Variants in YIPF6 observed in about 807,000 individuals in gnomAD.
The protein encoded by YIPF6 is protein YIPF6.
YIPF6 carries 3 observed loss-of-function variants against 16.8 expected under a neutral mutation model. That is an observed-to-expected ratio of 0.18 (90% confidence interval 0.08 to 0.46). YIPF6 has a LOEUF of 0.46. Among genes scored for constraint, YIPF6 ranks in the 20% least tolerant of loss-of-function variants. YIPF6 has a pLI of 0.98. For missense variants in YIPF6, 145 were observed against 184.9 expected, an observed-to-expected ratio of 0.78 and a Z score of 1.25; for synonymous variants, 67 against 61.9, an observed-to-expected ratio of 1.08 and a Z score of -0.38.
At chrX:68,512,338 GA>G (rs1255157694) in intron 2 of YIPF6, among the ~76,000 whole-genome samples, 2 of 109,922 alleles carry the variant, frequency 1.8e-5, no homozygotes, top group Non-Finnish European at 3.8e-5. Context: ...GCATATGCCT[GA>G]AATCCCAGCT....
intron 5 of YIPF6, 142 bp downstream of exon 5, chrX:68,521,639 T>A: frequency 1.7e-6 from 1 of 605,232 alleles, no homozygotes; most frequent in Non-Finnish European, 2.4e-6. Context: ...ATTGGTGTGA[T>A]CATGGCTTAC....
intron 1 of YIPF6, among the ~76,000 whole-genome samples, chrX:68,507,289 T>A (rs1043689861): frequency 4.1e-4 from 46 of 112,192 alleles, no homozygotes; most frequent in Non-Finnish European, 4.5e-4. Context: ...CATATTTACT[T>A]TCATTTTAAC....
At chrX:68,520,713 C>A (rs1476366300) in intron 4 of YIPF6, among the ~76,000 whole-genome samples, 1 of 111,839 alleles carries the variant, frequency 8.9e-6, no homozygotes, top group Non-Finnish European at 1.9e-5. Context: ...CTCAAGCGAT[C>A]TGCCTGTCGT....
chrX:68,527,933 A>C (rs1404314242), intron 6 of YIPF6, among the ~76,000 whole-genome samples: 10 of 111,644 alleles, frequency 9.0e-5, no homozygotes, highest in Non-Finnish European at 1.1e-4. Flanking sequence ...CAATTTTAGA[A>C]TAAGTGTGAT....
rs1432342296 is a variant in YIPF6 at position 68,535,863 on chromosome X, T to C, written c.*3864T>C. ...GCAGTGGAGCAGTCATGGCACACTG[T>C]AGCCTCGACCTCCCTGGGCTCAAGC... On this transcript the variant is annotated 3_prime_UTR_variant, in exon 7 of 7. Coordinates refer to ENST00000462683, the MANE Select transcript of YIPF6 (RefSeq NM_173834.4). 9.0e-6 allele frequency: 1 copy of C among 111,617 alleles called. No homozygotes were observed. The highest frequency in any genetic ancestry group is 2.8e-4 in the East Asian group (1 of 3,550). 9.2% of individuals were successfully genotyped at this position (111,617 alleles called of 1,213,427 possible).
Position 68,533,080 on chromosome X carries a change from T to C in YIPF6, c.*1081T>C, listed in dbSNP as rs933085829. The C allele has an allele frequency of 1.8e-5, 2 of 112,373 alleles. No individual in the cohort carries two copies. Among genetic ancestry groups the C allele is most frequent in the African/African-American group, 6.5e-5 (2 of 30,987 alleles). 9.3% of individuals were successfully genotyped at this position (112,373 alleles called of 1,213,427 possible). On this transcript the variant is annotated 3_prime_UTR_variant, in exon 7 of 7. Coordinates refer to ENST00000462683, the MANE Select transcript of YIPF6 (RefSeq NM_173834.4). Reference sequence around the variant, plus strand: ...AGCATGACGTGGGATGGGATGAGTTTACAGCTGCTGCCTTTTCATGGTGAG... The same window carrying C: ...AGCATGACGTGGGATGGGATGAGTTCACAGCTGCTGCCTTTTCATGGTGAG...
chrX:68,524,675 C>T (rs918693685), intron 6 of YIPF6, among the ~76,000 whole-genome samples: 5 of 109,011 alleles, frequency 4.6e-5, no homozygotes, highest in African/African-American at 1.3e-4. Context: ...TCCCCTAGCC[C>T]CCCCAGCCTC....
chrX:68,527,891 G>T (rs1256096265), intron 6 of YIPF6, among the ~76,000 whole-genome samples: 1 of 111,482 alleles, frequency 9.0e-6, no homozygotes, highest in Non-Finnish European at 1.9e-5. Flanking sequence ...TTTTGCCTTT[G>T]TTGAGGAGTA....
intron 6 of YIPF6, among the ~76,000 whole-genome samples, chrX:68,530,138 T>C (rs774700558): frequency 1.3e-3 from 149 of 112,087 alleles, no homozygotes; most frequent in Non-Finnish European, 2.0e-3. Flanking sequence ...CTGGGGCTGC[T>C]GACTTTCTTT....
Position 68,513,548 on chromosome X carries a change from A to C in YIPF6, c.265+143A>C, listed in dbSNP as rs758555211. The C allele has an allele frequency of 2.6e-4, 89 of 339,367 alleles. 1 individual carries two copies. The South Asian group carries it at 9.6e-3, about 37-fold the overall frequency. The allele number at this position is 339,367 out of a possible 1,213,427, so 28.0% of individuals were successfully genotyped here. A position where few individuals can be genotyped will look rare whatever the true frequency, so the allele number is the denominator to read the frequency against. On this transcript the variant is annotated intron_variant, in intron 3 of 6. Transcript: ENST00000462683. ...AAATATGTAAACGAATATGTAAATCAAACTTCTGGCAGAAATTAAAAATTG... is the reference window on the plus strand; with the variant it reads ...AAATATGTAAACGAATATGTAAATCCAACTTCTGGCAGAAATTAAAAATTG...
At chrX:68,520,755 G>A (rs2079122544) in intron 4 of YIPF6, among the ~76,000 whole-genome samples, 1 of 111,877 alleles carries the variant, frequency 8.9e-6, no homozygotes, top group African/African-American at 3.2e-5. Context: ...TACAGGCTAA[G>A]CCACCATACC....
chrX:68,526,042 G>A lies in YIPF6; in HGVS notation c.592+3125G>A, dbSNP rs148884931. 5.8e-3 allele frequency among the ~76,000 whole-genome samples: 647 copies of A among 111,744 alleles called. 3 individuals are homozygous for A. The highest frequency in any genetic ancestry group is 0.02 in the African/African-American group (605 of 30,743). On this transcript the variant is annotated intron_variant, in intron 6 of 6. Coordinates refer to ENST00000462683, the MANE Select transcript of YIPF6 (RefSeq NM_173834.4). The stretch of plus-strand genomic sequence containing the variant: ...TGAAGAAAGTCAATGGTAGCTTGAC[G>A]GGGATAGCATTGAATCTGTAAATTA...
In YIPF6 at chrX:68,534,481, T is replaced by G. The variant is rs901992693; in HGVS notation, c.*2482T>G. On this transcript the variant is annotated 3_prime_UTR_variant, in exon 7 of 7. Transcript: ENST00000462683. ...GATGTTCTCTTTAGAAATAACTCAG[T>G]TTTTATCTTTTTTCACATTGAAAAT... 4.5e-5 allele frequency: 5 copies of G among 111,301 alleles called. No individual in the cohort carries two copies. Among genetic ancestry groups the G allele is most frequent in the Admixed American group, 2.9e-4 (3 of 10,377 alleles). The allele number at this position is 111,301 out of a possible 1,213,427, so 9.2% of individuals were successfully genotyped here.
intron 3 of YIPF6, among the ~76,000 whole-genome samples, chrX:68,516,881 C>A (rs769670884): frequency 7.2e-4 from 78 of 109,002 alleles, no homozygotes; most frequent in Non-Finnish European, 1.3e-3. Flanking sequence ...GTGGAGGTTG[C>A]GATCTTGGCT....
rs1569330690 is a variant in YIPF6 at position 68,536,665 on chromosome X, T to G, written c.*4666T>G. 1 of 111,833 alleles carries G rather than the reference T, an allele frequency of 8.9e-6. No homozygotes were observed. The highest frequency in any genetic ancestry group is 2.8e-4 in the East Asian group (1 of 3,539). The allele number at this position is 111,833 out of a possible 1,213,427, so 9.2% of individuals were successfully genotyped here. ...AGAACTGACTGGATGTAGATAACAT[T>G]TGTTTTCAGAGTAATGGAACACTGT... On this transcript the variant is annotated 3_prime_UTR_variant, in exon 7 of 7. Coordinates refer to ENST00000462683, the MANE Select transcript of YIPF6 (RefSeq NM_173834.4).
rs2079185028 is a variant in YIPF6, at chrX:68,534,740, C to A, written c.*2741C>A. On this transcript the variant is annotated 3_prime_UTR_variant, in exon 7 of 7. Coordinates refer to ENST00000462683, the MANE Select transcript of YIPF6 (RefSeq NM_173834.4). Reference sequence around the variant, plus strand: ...CTAAATGTCTGGAAGTTGTAACCCTCAACACAGCTTTTCCTGATTTGCTGC... The same window carrying A: ...CTAAATGTCTGGAAGTTGTAACCCTAAACACAGCTTTTCCTGATTTGCTGC... The A allele has an allele frequency of 8.9e-6, 1 of 112,145 alleles. No homozygotes were observed. Among genetic ancestry groups the A allele is most frequent in the Non-Finnish European group, 1.9e-5 (1 of 53,313 alleles). 9.2% of individuals were successfully genotyped at this position (112,145 alleles called of 1,213,427 possible). A position where few individuals can be genotyped will look rare whatever the true frequency, so the allele number is the denominator to read the frequency against.
intron 3 of YIPF6, among the ~76,000 whole-genome samples, chrX:68,515,725 G>A (rs1224370386): frequency 9.1e-6 from 1 of 110,303 alleles, no homozygotes; most frequent in East Asian, 2.9e-4. Context: ...CTGGAATGCA[G>A]TGGTGTGATT....
chrX:68,499,239 TC>T, intron 1 of YIPF6, 116 bp downstream of exon 1: 1 of 961,590 alleles, frequency 1.0e-6, no homozygotes, highest in Non-Finnish European at 1.4e-6. Flanking sequence ...GGCAGGCCCT[TC>T]TTGTACCCGA....
At chrX:68,524,847 C>T (rs1449621615) in intron 6 of YIPF6, among the ~76,000 whole-genome samples, 3 of 111,483 alleles carry the variant, frequency 2.7e-5, no homozygotes, top group Admixed American at 1.9e-4. Context: ...TGAACTCAAC[C>T]TTTTACGTGG....
Sources: allele counts gnomAD v4.1 joint callset (sites outside exome capture counted in the v4.1 genomes callset), GRCh38; gene constraint gnomAD v4.1.1; transcripts MANE v1.5; gene names NCBI Gene and HGNC (gene_info 2026-07-23, HGNC 2026-07-21).